NR6A1: variants seen among roughly 807,000 people sequenced by gnomAD.
NR6A1 encodes the protein retinoic acid receptor-related testis-associated receptor.
In NR6A1, 7 loss-of-function variants were observed where a neutral mutation model predicts 59.1. That is an observed-to-expected ratio of 0.12 (90% CI 0.07 to 0.22). The LOEUF (loss-of-function observed/expected upper bound fraction) is 0.22. Among genes scored for constraint, NR6A1 ranks in the 10% least tolerant of loss-of-function variants. The pLI, the probability that NR6A1 is intolerant of heterozygous loss-of-function variation, is 1.00. For synonymous variants in NR6A1, 243 were observed against 236.1 expected, an observed-to-expected ratio of 1.03 and a Z score of -0.27; for missense variants, 468 against 611.6, an observed-to-expected ratio of 0.77 and a Z score of 2.48.
chr9:124,526,808 C>A lies in NR6A1; in HGVS notation c.1172G>T (p.Cys391Phe). The part of the protein sequence containing the change: ...QLKVSNEEYA[C>F]MKAINFLNQD... Reference sequence around the variant, plus strand: ...ATTTAGGAAGTTAATTGCTTTCATGCAAGCATACTCCTCGTTGCTGACCTT... The same window carrying A: ...ATTTAGGAAGTTAATTGCTTTCATGAAAGCATACTCCTCGTTGCTGACCTT... Residue 391 changes from cysteine to phenylalanine, a missense_variant, in exon 8 of 10, where the codon TGC becomes TTC. This residue lies in a region of NR6A1 where 176 missense variants were observed against 264.0 expected (regional missense o/e 0.67). Coordinates refer to ENST00000487099, the MANE Select transcript of NR6A1 (RefSeq NM_033334.4). 2 of 1,613,980 alleles carry A rather than the reference C, an allele frequency of 1.2e-6. No individual in the cohort carries two copies. Among genetic ancestry groups the A allele is most frequent in the Non-Finnish European group, 1.7e-6 (2 of 1,179,884 alleles).
chr9:124,534,813 G>A (rs908705039), intron 7 of NR6A1, among the ~76,000 whole-genome samples: 4 of 152,256 alleles, frequency 2.6e-5, no homozygotes, highest in East Asian at 1.9e-4. Flanking sequence ...TGGAGGCTGC[G>A]AGAAAGAAAG....
At chr9:124,533,299 A>G (rs1365319118) in intron 7 of NR6A1, among the ~76,000 whole-genome samples, 1 of 152,236 alleles carries the variant, frequency 6.6e-6, no homozygotes, top group Non-Finnish European at 1.5e-5. Context: ...TTTGATGGAA[A>G]CAATGAATTA....
At chr9:124,654,016 C>T (rs1464027648) in intron 2 of NR6A1, among the ~76,000 whole-genome samples, 1 of 152,154 alleles carries the variant, frequency 6.6e-6, no homozygotes, top group Non-Finnish European at 1.5e-5. Flanking sequence ...CAAAACCCTA[C>T]CCAGGCAACA....
At chr9:124,605,878 C>A (rs959153354) in intron 2 of NR6A1, among the ~76,000 whole-genome samples, 1 of 152,188 alleles carries the variant, frequency 6.6e-6, no homozygotes, top group African/African-American at 2.4e-5. Flanking sequence ...ATCACTCTCA[C>A]AGTCTTGACC....
intron 1 of NR6A1, among the ~76,000 whole-genome samples, chr9:124,746,132 G>C (rs1840327259): frequency 6.6e-6 from 1 of 151,630 alleles, no homozygotes; most frequent in Non-Finnish European, 1.5e-5. Context: ...ACACAATTCT[G>C]GGCACTAATC....
intron 2 of NR6A1, among the ~76,000 whole-genome samples, chr9:124,642,497 T>C (rs1836794023): frequency 6.6e-6 from 1 of 152,216 alleles, no homozygotes; most frequent in African/African-American, 2.4e-5. Flanking sequence ...TTTTTTTTAA[T>C]GGGCAACTGT....
intron 2 of NR6A1, among the ~76,000 whole-genome samples, chr9:124,561,678 G>A (rs1395521040): frequency 6.6e-6 from 1 of 152,150 alleles, no homozygotes; most frequent in Non-Finnish European, 1.5e-5. Flanking sequence ...TTGGGAGGCC[G>A]AGGTGGGCAG....
intron 2 of NR6A1, among the ~76,000 whole-genome samples, chr9:124,604,804 AC>A (rs897560342): frequency 3.3e-5 from 5 of 151,996 alleles, no homozygotes; most frequent in African/African-American, 1.2e-4. Context: ...ACAGAGCAAG[AC>A]CCTGTCTCAA....
chr9:124,518,903 G>A lies in NR6A1; in HGVS notation c.*3802C>T, dbSNP rs918106909. The A allele has an allele frequency of 2.0e-5, 3 of 152,020 alleles. No homozygotes were observed. Among genetic ancestry groups the A allele is most frequent in the African/African-American group, 7.2e-5 (3 of 41,402 alleles). 9.4% of individuals were successfully genotyped at this position (152,020 alleles called of 1,614,324 possible). A position where few individuals can be genotyped will look rare whatever the true frequency, so the allele number is the denominator to read the frequency against. ...ATACACACCAGGGGCCCAGAGAGGAGGGCCTGGAACCACAGCTCAGCTTTC... is the reference window on the plus strand; with the variant it reads ...ATACACACCAGGGGCCCAGAGAGGAAGGCCTGGAACCACAGCTCAGCTTTC... On this transcript the variant is annotated 3_prime_UTR_variant, in exon 10 of 10. Coordinates refer to ENST00000487099, the MANE Select transcript of NR6A1 (RefSeq NM_033334.4).
intron 6 of NR6A1, 107 bp downstream of exon 6, chr9:124,537,985 C>A (rs1833322087): frequency 7.2e-6 from 6 of 832,612 alleles, no homozygotes; most frequent in Non-Finnish European, 9.5e-6. Flanking sequence ...GTCATTATCC[C>A]CCCAACTCAT....
intron 2 of NR6A1, among the ~76,000 whole-genome samples, chr9:124,619,860 G>A (rs1180688157): frequency 3.9e-5 from 6 of 152,108 alleles, no homozygotes; most frequent in East Asian, 1.9e-4. Flanking sequence ...CCAGGAGTTC[G>A]AGACCAGCCT....
chr9:124,631,739 T>G, intron 2 of NR6A1, among the ~76,000 whole-genome samples: 1 of 152,318 alleles, frequency 6.6e-6, no homozygotes, highest in Non-Finnish European at 1.5e-5. Context: ...TCATGGAAGT[T>G]TGTTGTACAG....
At chr9:124,741,211 G>T (rs1319279914) in intron 1 of NR6A1, among the ~76,000 whole-genome samples, 2 of 152,168 alleles carry the variant, frequency 1.3e-5, no homozygotes, top group Non-Finnish European at 2.9e-5. Context: ...GTATGAGGCT[G>T]GTGGCTATGA....
intron 2 of NR6A1, among the ~76,000 whole-genome samples, chr9:124,610,312 G>A (rs901362824): frequency 6.6e-6 from 1 of 152,086 alleles, no homozygotes; most frequent in Non-Finnish European, 1.5e-5. Flanking sequence ...TAACATGAAG[G>A]GATGTTGAAT....
chr9:124,764,925 T>A (rs1840888513), intron 1 of NR6A1, among the ~76,000 whole-genome samples: 1 of 152,166 alleles, frequency 6.6e-6, no homozygotes, highest in Admixed American at 6.5e-5. Context: ...AGCTGACTTA[T>A]CAGCAGGGCC....
At chr9:124,672,920 G>C (rs778255443) in intron 2 of NR6A1, among the ~76,000 whole-genome samples, 17 of 152,058 alleles carry the variant, frequency 1.1e-4, no homozygotes, top group Admixed American at 8.5e-4. Context: ...TAGAATGACA[G>C]AAAAATAAAA....
chr9:124,716,765 G>A (rs1482857473), intron 2 of NR6A1, among the ~76,000 whole-genome samples: 1 of 152,152 alleles, frequency 6.6e-6, no homozygotes, highest in Admixed American at 6.5e-5. Flanking sequence ...CTGAGTAGCT[G>A]GGATTACAGG....
At chr9:124,607,270 C>G (rs1835602238) in intron 2 of NR6A1, 2 of 152,154 alleles carry the variant, frequency 1.3e-5, no homozygotes. Context: ...ATCCGGTGTT[C>G]CACACTAAGT....
chr9:124,676,430 G>C (rs1177447178), intron 2 of NR6A1, among the ~76,000 whole-genome samples: 1 of 151,626 alleles, frequency 6.6e-6, no homozygotes. Context: ...AGACTTTCTT[G>C]CCTTTTATTT....
Sources: gnomAD v4.1 joint callset for allele counts (sites outside exome capture counted in the v4.1 genomes callset) on GRCh38, gnomAD v4.1.1 for gene constraint, gnomAD v4.1.1 regional missense constraint, MANE v1.5 for transcripts, NCBI Gene and HGNC (gene_info 2026-07-23, HGNC 2026-07-21) for gene names.